MBNL2: variants seen among roughly 807,000 people sequenced by gnomAD.
The protein encoded by MBNL2 is muscleblind-like protein 2.
In MBNL2, 17 loss-of-function variants were observed where a neutral mutation model predicts 41.9. The ratio of observed to expected loss-of-function variants is 0.41; its 90% confidence interval spans 0.28 to 0.61. The LOEUF (loss-of-function observed/expected upper bound fraction) is 0.61, where lower values mean the gene tolerates loss of function less well. Among genes scored for constraint, MBNL2 ranks in the 20% least tolerant of loss-of-function variants. The probability of loss-of-function intolerance (pLI) is 0.35; values close to 1 mark genes in which losing one functional copy is unlikely to be tolerated. For synonymous variants in MBNL2, 195 were observed against 182.9 expected, an observed-to-expected ratio of 1.07 and a Z score of -0.53; for missense variants, 336 against 505.6, an observed-to-expected ratio of 0.66 and a Z score of 3.22.
chr13:97,375,346 A>C (rs2064862792), intron 8 of MBNL2, among the ~76,000 whole-genome samples: 1 of 152,196 alleles, frequency 6.6e-6, no homozygotes, highest in Admixed American at 6.5e-5. Context: ...GATCTGAAAC[A>C]AGCAGAGAAT....
intron 2 of MBNL2, among the ~76,000 whole-genome samples, chr13:97,316,092 ACCACT>A (rs1285283840): frequency 6.6e-6 from 1 of 152,062 alleles, no homozygotes; most frequent in South Asian, 2.1e-4. Context: ...CATCTCAAAC[ACCACT>A]CCTGCTATTT....
At chr13:97,235,441 A>G (rs2043090856) in intron 1 of MBNL2, among the ~76,000 whole-genome samples, 2 of 152,210 alleles carry the variant, frequency 1.3e-5, no homozygotes, top group Admixed American at 1.3e-4. Context: ...ATTTTTGGAA[A>G]CATTGACGAC....
At position 97,366,428 on chromosome 13, in the gene MBNL2, T is replaced by C. The variant is rs1406025303; in HGVS notation, c.1048+1257T>C. ...ATTACCATAATGCTACACCCTCCTGTTCATTGCTCCCATGGTTCCCCTCCT... is the reference window on the plus strand; with the variant it reads ...ATTACCATAATGCTACACCCTCCTGCTCATTGCTCCCATGGTTCCCCTCCT... On this transcript the variant is annotated intron_variant, in intron 8 of 8. Transcript: ENST00000679496. The surrounding 1 kb of genome is among the most constrained non-coding windows in gnomAD (Gnocchi z 4.7). 2 of 1,048,134 alleles carry C rather than the reference T, an allele frequency of 1.9e-6. No homozygotes were observed. Among genetic ancestry groups the C allele is most frequent in the Non-Finnish European group, 3.0e-6 (2 of 667,806 alleles). The allele number at this position is 1,048,134 out of a possible 1,614,324, so 64.9% of individuals were successfully genotyped here. A position where few individuals can be genotyped will look rare whatever the true frequency, so the allele number is the denominator to read the frequency against.
At chr13:97,364,909 A>G (rs1256931914) in intron 7 of MBNL2, among the ~76,000 whole-genome samples, 1 of 152,234 alleles carries the variant, frequency 6.6e-6, no homozygotes, top group Non-Finnish European at 1.5e-5. Context: ...ATATGAATAG[A>G]AAGTGTGAAC....
the MBNL2 span, among the ~76,000 whole-genome samples, chr13:97,178,933 T>A: frequency 6.6e-6 from 1 of 152,174 alleles, no homozygotes; most frequent in African/African-American, 2.4e-5. Context: ...CAATGGTATA[T>A]ATCAAAATAG....
rs566553031 is a variant in MBNL2, at chr13:97,374,351, G to A, written c.1048+9180G>A. On this transcript the variant is annotated intron_variant, in intron 8 of 8. Transcript: ENST00000679496. ...TTTAGTAGAGACGGGGTTTCACCGT[G>A]TTAGCCAGGATGGTCTCGATCTCCT... 4.0e-5 allele frequency among the ~76,000 whole-genome samples: 6 copies of A among 149,292 alleles called. No homozygotes were observed. The Admixed American group carries it at 4.0e-4, about 10-fold the overall frequency.
intron 2 of MBNL2, among the ~76,000 whole-genome samples, chr13:97,289,731 A>G (rs994566118): frequency 1.3e-5 from 2 of 152,248 alleles, no homozygotes; most frequent in African/African-American, 4.8e-5. Flanking sequence ...TTGCAGCCCA[A>G]TGGGGTAATC....
the MBNL2 span, among the ~76,000 whole-genome samples, chr13:97,154,501 G>A: frequency 6.6e-6 from 1 of 152,020 alleles, no homozygotes; most frequent in Non-Finnish European, 1.5e-5. Context: ...TTTTAGTAGA[G>A]AATGGGGTTT....
At chr13:97,191,208 C>T in the MBNL2 span, among the ~76,000 whole-genome samples, 804 of 151,540 alleles carry the variant, frequency 5.3e-3, 2 homozygotes, top group Non-Finnish European at 8.4e-3. Context: ...AGGGGGTCCC[C>T]GGAAAAATTC....
Position 97,311,658 on chromosome 13 carries a change from C to CT in MBNL2, c.175-22608dup, listed in dbSNP as rs1022305990. Among the ~76,000 whole-genome samples the CT allele has an allele frequency of 1.6e-3, 233 of 145,858 alleles. 1 individual carries two copies. The highest frequency in any genetic ancestry group is 3.7e-3 in the African/African-American group (150 of 40,166). Reference sequence around the variant, plus strand: ...TGGATTTTTAGAGGGGATTTTTTTTCTTTTTTTTTTAAAAAAAAACCATGT... The same window carrying CT: ...TGGATTTTTAGAGGGGATTTTTTTTCTTTTTTTTTTTAAAAAAAAACCATGT... On this transcript the variant is annotated intron_variant, in intron 2 of 8. Transcript: ENST00000679496.
chr13:97,173,062 G>A, the MBNL2 span, among the ~76,000 whole-genome samples: 1 of 152,204 alleles, frequency 6.6e-6, no homozygotes, highest in Non-Finnish European at 1.5e-5. Context: ...TGGAAGAAAA[G>A]TGAGGAAGAA....
chr13:97,144,077 C>A, the MBNL2 span, among the ~76,000 whole-genome samples: 1 of 152,202 alleles, frequency 6.6e-6, no homozygotes, highest in African/African-American at 2.4e-5. Context: ...CTCCTGACCT[C>A]AAGTAATCTG....
intron 7 of MBNL2, 120 bp from the exon 8 acceptor site, chr13:97,365,016 G>T (rs2063740974): frequency 1.3e-6 from 1 of 784,306 alleles, no homozygotes; most frequent in Non-Finnish European, 2.4e-6. Flanking sequence ...AAAAGACTGT[G>T]TTAACTAACC....
intron 2 of MBNL2, among the ~76,000 whole-genome samples, chr13:97,278,408 T>C (rs2052641533): frequency 6.6e-6 from 1 of 152,158 alleles, no homozygotes; most frequent in Non-Finnish European, 1.5e-5. Context: ...ATTGGGTATT[T>C]AATATTAAAC....
At chr13:97,173,410 G>A in the MBNL2 span, among the ~76,000 whole-genome samples, 1 of 152,240 alleles carries the variant, frequency 6.6e-6, no homozygotes, top group Non-Finnish European at 1.5e-5. Flanking sequence ...TATGCAGGAA[G>A]GAGGCTGAAG....
chr13:97,346,452 T>TATGG lies in MBNL2; in HGVS notation c.541-341_541-338dup, dbSNP rs1268053630. Among the ~76,000 whole-genome samples, 2 of 151,726 alleles carry TATGG rather than the reference T, an allele frequency of 1.3e-5. No individual in the cohort carries two copies. Among genetic ancestry groups the TATGG allele is most frequent in the African/African-American group, 4.8e-5 (2 of 41,264 alleles). The stretch of plus-strand genomic sequence containing the variant: ...TGGATAAATAGATAGATGATAGATA[T>TATGG]ATGGATGGATGGATAGACAGACAGA... On this transcript the variant is annotated intron_variant, in intron 4 of 8. Transcript: ENST00000679496. The surrounding 1 kb of genome is among the most constrained non-coding windows in gnomAD (Gnocchi z 4.2).
intron 2 of MBNL2, among the ~76,000 whole-genome samples, chr13:97,312,943 G>C (rs1238218729): frequency 6.6e-6 from 1 of 152,204 alleles, no homozygotes. Flanking sequence ...TTGTAAGACA[G>C]TATTTATTCA....
chr13:97,358,402 A>C (rs1391249561), intron 7 of MBNL2, among the ~76,000 whole-genome samples: 1 of 152,134 alleles, frequency 6.6e-6, no homozygotes, highest in Non-Finnish European at 1.5e-5. Context: ...ACCCATTTAC[A>C]TCACATTCTA....
At chr13:97,298,321 A>G (rs1019549825) in intron 2 of MBNL2, among the ~76,000 whole-genome samples, 1 of 152,236 alleles carries the variant, frequency 6.6e-6, no homozygotes, top group Non-Finnish European at 1.5e-5. Context: ...TCTTGAATAC[A>G]TGAATAAATC....
Sources: allele counts gnomAD v4.1 joint callset (sites outside exome capture counted in the v4.1 genomes callset), GRCh38; gene constraint gnomAD v4.1.1; non-coding constraint Gnocchi (gnomAD v3.1); transcripts MANE v1.5; gene names NCBI Gene and HGNC (gene_info 2026-07-23, HGNC 2026-07-21).